The following CCDC77 variants were observed in gnomAD, a reference collection of about 807,000 sequenced individuals.
CCDC77 encodes the protein coiled-coil domain-containing protein 77.
CCDC77 carries 56 observed loss-of-function variants against 66.8 expected under a neutral mutation model. That is an observed-to-expected ratio of 0.84 (90% CI 0.68 to 1.05). CCDC77 has a LOEUF of 1.05. Among genes scored for constraint, CCDC77 ranks in the 50% least tolerant of loss-of-function variants. The pLI is 0.00. For synonymous variants in CCDC77, 196 were observed against 195.2 expected (o/e 1.00, Z -0.03); for missense variants, 570 against 576.8 (o/e 0.99, Z 0.12).
Position 442,404 on chromosome 12 carries a change from T to C in CCDC77, c.*484T>C, listed in dbSNP as rs1051804109. ...TAGGCGCTCATTCTGCTATTTCACC[T>C]TCCGTCCTGAGCAGAGCCTGAATTA... is the stretch of plus-strand genomic sequence containing the variant. On this transcript the variant is annotated 3_prime_UTR_variant, in exon 13 of 13. Transcript: ENST00000239830. 6.5e-6 allele frequency: 1 copy of C among 153,566 alleles called. No homozygotes were observed. The highest frequency in any genetic ancestry group is 2.4e-5 in the African/African-American group (1 of 41,430). 9.5% of individuals were successfully genotyped at this position (153,566 alleles called of 1,614,324 possible).
At chr12:429,537 G>A (rs542859590) in intron 6 of CCDC77, among the ~76,000 whole-genome samples, 1 of 149,840 alleles carries the variant, frequency 6.7e-6, no homozygotes, top group South Asian at 2.1e-4. Context: ...TCGGCTCACT[G>A]CAACCTCCGC....
intron 6 of CCDC77, among the ~76,000 whole-genome samples, chr12:430,246 GCCTCCC>G (rs1272129219): frequency 1.3e-5 from 2 of 152,054 alleles, no homozygotes; most frequent in Non-Finnish European, 2.9e-5. Flanking sequence ...GCCCACCTTG[GCCTCCC>G]AAAGTGCTGA....
intron 9 of CCDC77, 38 bp downstream of exon 9, chr12:433,360 A>C (rs761978258): frequency 6.2e-7 from 1 of 1,603,824 alleles, no homozygotes; most frequent in Admixed American, 1.7e-5. Flanking sequence ...CGGGTATTGT[A>C]TTTTTCTGAG....
chr12:393,851 C>T (rs2137519657), intron 1 of CCDC77, among the ~76,000 whole-genome samples: 1 of 152,244 alleles, frequency 6.6e-6, no homozygotes. Flanking sequence ...CTTGAATGGA[C>T]TTTTTTACCC....
intron 3 of CCDC77, among the ~76,000 whole-genome samples, chr12:410,511 G>T (rs1945086295): frequency 6.6e-6 from 1 of 151,092 alleles, no homozygotes; most frequent in African/African-American, 2.4e-5. Flanking sequence ...CAAGTAATCT[G>T]CCCACCTTGG....
chr12:416,375 GTGTATATATA>G (rs1225883394), intron 4 of CCDC77, among the ~76,000 whole-genome samples: 16 of 20,588 alleles, frequency 7.8e-4, no homozygotes, highest in South Asian at 1.5e-3. Context: ...GTGTGTGTGT[GTGTATATATA>G]TATATATATA....
chr12:394,525 C>T (rs753867388), intron 1 of CCDC77, among the ~76,000 whole-genome samples: 2 of 152,216 alleles, frequency 1.3e-5, no homozygotes, highest in African/African-American at 2.4e-5. Context: ...TCAAAGTGAA[C>T]ATGGCAAATA....
intron 5 of CCDC77, among the ~76,000 whole-genome samples, chr12:427,139 G>T (rs1945550422): frequency 6.6e-6 from 1 of 152,100 alleles, no homozygotes; most frequent in South Asian, 2.1e-4. Context: ...CAGCTACTCG[G>T]GAGGCTGAAG....
chr12:391,217 C>A lies in CCDC77; in HGVS notation c.-113+1731C>A, dbSNP rs192118485. On this transcript the variant is annotated intron_variant, in intron 1 of 11. Coordinates refer to the CCDC77 transcript ENST00000422000. ...CTGTAATCCCAGCACTTTTTGAGGC[C>A]AAGGCGGGCAGATCACCTGAGGTCA... Among the ~76,000 whole-genome samples, 486 of 152,150 alleles carry A rather than the reference C, an allele frequency of 3.2e-3. 14 individuals are homozygous for A. The highest frequency in any genetic ancestry group is 0.029 in the Admixed American group (446 of 15,268).
At chr12:400,129 C>G (rs142041235), upstream of CCDC77, among the ~76,000 whole-genome samples, 1 of 152,348 alleles carries the variant, frequency 6.6e-6, no homozygotes, top group Admixed American at 6.5e-5. Flanking sequence ...TTAAACCTCA[C>G]GAACCAGCCT....
At chr12:423,308 A>ATATT (rs1555145531) in intron 5 of CCDC77, among the ~76,000 whole-genome samples, 11 of 130,690 alleles carry the variant, frequency 8.4e-5, no homozygotes, top group Non-Finnish European at 1.4e-4. Context: ...ATATATATAT[A>ATATT]TTTTTTTTTT....
chr12:431,218 T>G (rs1189886777), intron 7 of CCDC77, among the ~76,000 whole-genome samples: 1 of 149,914 alleles, frequency 6.7e-6, no homozygotes, highest in Non-Finnish European at 1.5e-5. Context: ...AGTTCTTTTT[T>G]TTTTTTTTTT....
At chr12:406,043 G>A (rs1162588375) in intron 2 of CCDC77, among the ~76,000 whole-genome samples, 5 of 151,068 alleles carry the variant, frequency 3.3e-5, no homozygotes, top group Admixed American at 2.0e-4. Context: ...TCGGCCTCCT[G>A]TTTAACTAGG....
intron 1 of CCDC77, among the ~76,000 whole-genome samples, chr12:404,383 A>G (rs1324659107): frequency 1.3e-5 from 2 of 152,240 alleles, no homozygotes; most frequent in Non-Finnish European, 2.9e-5. Flanking sequence ...AGGAGTAACT[A>G]TTGGATGGAG....
chr12:426,371 C>CA (rs1396579069), intron 5 of CCDC77, among the ~76,000 whole-genome samples: 19 of 152,182 alleles, frequency 1.2e-4, no homozygotes, highest in Admixed American at 2.6e-4. Context: ...CTACATCTGG[C>CA]ACAATGACTG....
At chr12:425,151 G>A (rs1195468817) in intron 5 of CCDC77, among the ~76,000 whole-genome samples, 1 of 151,242 alleles carries the variant, frequency 6.6e-6, no homozygotes, top group Non-Finnish European at 1.5e-5. Flanking sequence ...GGCTGATCTC[G>A]AAGTCCTGAG....
intron 1 of CCDC77, among the ~76,000 whole-genome samples, chr12:396,399 T>G (rs1016377069): frequency 2.6e-5 from 4 of 151,780 alleles, no homozygotes; most frequent in Non-Finnish European, 5.9e-5. Context: ...CTTGAAAAAA[T>G]AAATAAATAA....
chr12:429,463 C>CT (rs11385474), intron 6 of CCDC77, among the ~76,000 whole-genome samples: 46,962 of 142,890 alleles, frequency 0.33, 8,261 homozygotes, highest in East Asian at 0.57. Context: ...CCAAGAGCTA[C>CT]TTTTTTTTTT....
At chr12:433,591 G>C (rs1029027128) in intron 9 of CCDC77, 21 of 583,172 alleles carry the variant, frequency 3.6e-5, no homozygotes, top group Non-Finnish European at 4.5e-5. Flanking sequence ...TTCTTAGGCC[G>C]GGTGCAGTGG....
Sources: allele counts gnomAD v4.1 joint callset (sites outside exome capture counted in the v4.1 genomes callset), GRCh38; gene constraint gnomAD v4.1.1; transcripts MANE v1.5; gene names NCBI Gene and HGNC (gene_info 2026-07-23, HGNC 2026-07-21).